RHBDF1: variants seen among roughly 807,000 people sequenced by gnomAD.
The protein encoded by RHBDF1 is inactive rhomboid protein 1.
RHBDF1 carries 80 observed loss-of-function variants against 98.6 expected under a neutral mutation model. That is an observed-to-expected ratio of 0.81 (90% CI 0.68 to 0.98). The LOEUF (loss-of-function observed/expected upper bound fraction) is 0.98, where lower values mean the gene tolerates loss of function less well. Among genes scored for constraint, RHBDF1 ranks in the 50% least tolerant of loss-of-function variants. The probability of loss-of-function intolerance (pLI) is 0.00; values close to 1 mark genes in which losing one functional copy is unlikely to be tolerated. For synonymous variants in RHBDF1, 512 were observed against 486.8 expected (o/e 1.05, Z -0.68); for missense variants, 1,116 against 1,198.3 (o/e 0.93, Z 1.01).
Position 62,765 on chromosome 16 carries a change from C to T in RHBDF1, c.795+10G>A. 6.2e-7 allele frequency: 1 copy of T among 1,614,022 alleles called. No individual in the cohort carries two copies. On this transcript the variant is annotated intron_variant, in intron 6 of 17. Transcript: ENST00000262316. ...ACGTGGGGTGGGGGGACACCCCGGG[C>T]ACTTCTTACCCGGGCAAAGAAGGAT...
Position 61,668 on chromosome 16 carries a change from C to A in RHBDF1, c.1237G>T (p.Val413Leu). The A allele has an allele frequency of 6.2e-7, 1 of 1,613,450 alleles. No individual in the cohort carries two copies. Among genetic ancestry groups the A allele is most frequent in the Non-Finnish European group, 8.5e-7 (1 of 1,179,916 alleles). ...RPFFTYWLTF[V>L]HSLVTILAVC... ...GCTAGGATGGTGACGAGCGAGTGCA[C>A]GAAGGTAAGCCAGTAGGTGAAGAAG... Residue 413 changes from valine to leucine, a missense_variant, in exon 9 of 18, where the codon GTG becomes TTG. Transcript: ENST00000262316.
At chr16:74,488 A>AC (rs1898049242), upstream of RHBDF1, among the ~76,000 whole-genome samples, 1 of 150,128 alleles carries the variant, frequency 6.7e-6, no homozygotes, top group Non-Finnish European at 1.5e-5. Context: ...CAGAGCTGAA[A>AC]CCCCCCGCAC....
chr16:75,318 C>G (rs1239822510), upstream of RHBDF1, among the ~76,000 whole-genome samples: 2 of 152,158 alleles, frequency 1.3e-5, no homozygotes. Flanking sequence ...GGAGCCCTGA[C>G]CAGTAAGAGG....
intron 3 of RHBDF1, chr16:64,459 C>A: frequency 6.7e-7 from 1 of 1,495,804 alleles, no homozygotes; most frequent in Non-Finnish European, 9.0e-7. Flanking sequence ...CAAGAGCATC[C>A]GGGCGGTGGA....
At position 59,466 on chromosome 16, in the gene RHBDF1, C is replaced by A; in HGVS notation, c.1846G>T (p.Asp616Tyr). 6.2e-7 allele frequency: 1 copy of A among 1,613,696 alleles called. No homozygotes were observed. ...RCEITSREYCDFMRGYFHEEA... is the reference protein window; with the variant it reads ...RCEITSREYCYFMRGYFHEEA... ...TCATGGAAGTAGCCCCTCATGAAGT[C>A]ACAGTACTCCCGGGAGGTGATCTCA... Residue 616 changes from aspartate to tyrosine, a missense_variant, in exon 15 of 18, where the codon GAC (aspartate) becomes TAC (tyrosine). Asp to Tyr is a radical substitution (Grantham distance 160, BLOSUM62 -3). Coordinates refer to ENST00000262316, the MANE Select transcript of RHBDF1 (RefSeq NM_022450.5).
At chr16:75,266 A>G (rs748220263), upstream of RHBDF1, among the ~76,000 whole-genome samples, 1 of 152,152 alleles carries the variant, frequency 6.6e-6, no homozygotes, top group African/African-American at 2.4e-5. Flanking sequence ...GTCTAGACCA[A>G]ACCCAGGGTT....
At chr16:72,848 A>G (rs926054942), upstream of RHBDF1, among the ~76,000 whole-genome samples, 3 of 152,130 alleles carry the variant, frequency 2.0e-5, no homozygotes, top group African/African-American at 7.2e-5. Context: ...GTGGGAGCGG[A>G]CCGCAGTGTC....
At position 63,808 on chromosome 16, in the gene RHBDF1, G is replaced by A. The variant is rs2141855451; in HGVS notation, c.249-8C>T. The A allele has an allele frequency of 3.7e-6, 6 of 1,611,918 alleles. No individual in the cohort carries two copies. Among genetic ancestry groups the A allele is most frequent in the South Asian group, 1.1e-5 (1 of 90,912 alleles). On this transcript the variant is annotated splice_region_variant and splice_polypyrimidine_tract_variant and intron_variant, in intron 3 of 17. Transcript: ENST00000262316. ...AACCAGTCGGCGGTCCCCCTGGCAT[G>A]GCAGGGACTCAGCAAGGGGCGGCCA...
chr16:62,412 G>C, intron 7 of RHBDF1, 126 bp downstream of exon 7: 1 of 1,289,888 alleles, frequency 7.8e-7, no homozygotes, highest in East Asian at 2.3e-5. Context: ...CCAGTGAGTA[G>C]TGAGTTCCCA....
At position 61,404 on chromosome 16, in the gene RHBDF1, A is replaced by T; in HGVS notation, c.1376T>A (p.Phe459Tyr). The T allele has an allele frequency of 6.2e-7, 1 of 1,611,690 alleles. No individual in the cohort carries two copies. Among genetic ancestry groups the T allele is most frequent in the Non-Finnish European group, 8.5e-7 (1 of 1,179,556 alleles). ...ENVKYVQQEN[F>Y]WIGPSSEALI... is the part of the protein sequence containing the mutation. The stretch of plus-strand genomic sequence containing the variant: ...CCTCACCGAGCTGGGCCCGATCCAG[A>T]AGTTCTCCTGCTGCACGTACTTGAC... Residue 459 changes from phenylalanine (F) to tyrosine (Y), a missense_variant, in exon 10 of 18, where the codon TTC becomes TAC. Phe to Tyr is a conservative substitution (Grantham distance 22). Coordinates refer to ENST00000262316, the MANE Select transcript of RHBDF1 (RefSeq NM_022450.5).
chr16:63,512 G>T (rs545583467), intron 4 of RHBDF1, 75 bp downstream of exon 4: 2 of 1,279,578 alleles, frequency 1.6e-6, no homozygotes, highest in Non-Finnish European at 2.1e-6. Flanking sequence ...TTCTGCTCAG[G>T]CTGGCTGTGT....
Position 63,083 on chromosome 16 carries a change from A to C in RHBDF1, c.562T>G (p.Ser188Ala). 6.2e-7 allele frequency: 1 copy of C among 1,612,200 alleles called. No individual in the cohort carries two copies. The highest frequency in any genetic ancestry group is 8.5e-7 in the Non-Finnish European group (1 of 1,179,524). Residue 188 changes from serine to alanine, a missense_variant, in exon 5 of 18, where the codon TCC becomes GCC. Physicochemically the swap from Ser to Ala is moderately conservative, Grantham distance 99. Transcript: ENST00000262316. ...PHTPVTPGAA[S>A]LCSFSSSRSG... ...CGGGAGCTGGAGAAGGAGCAGAGGG[A>C]GGCAGCACCCGGCGTGACGGGAGTG...
Position 59,291 on chromosome 16 carries a change from T to TCA in RHBDF1, c.1950_1951dup (p.Asp651ValfsTer28). 6.2e-7 allele frequency: 1 copy of TCA among 1,611,222 alleles called. No homozygotes were observed. ...GGATAGCCACAGGCGGTAGAACTGG[T>TCA]CAGGCACCTCGGGGTTGAGAAAAGG... On this transcript the variant is annotated frameshift_variant, in exon 16 of 18. Transcript: ENST00000262316. LOFTEE classifies it high-confidence loss of function.
chr16:62,298 T>C lies in RHBDF1; in HGVS notation c.953+240A>G, dbSNP rs555409574. On this transcript the variant is annotated intron_variant, in intron 7 of 17. Transcript: ENST00000262316. The stretch of plus-strand genomic sequence containing the variant: ...CACCTCTGTCACCTCCGCCTCCCCG[T>C]TGGATTCTGCCCAGCCCCTGGGTTC... The C allele has an allele frequency of 1.3e-4, 94 of 719,230 alleles. 1 individual carries two copies. In the Admixed American group the frequency reaches 2.5e-3, roughly 19 times the overall value. The allele number at this position is 719,230 out of a possible 1,614,324, so 44.6% of individuals were successfully genotyped here.
Position 63,806 on chromosome 16 carries a change from A to G in RHBDF1, c.249-6T>C, listed in dbSNP as rs370469034. 5 of 1,612,216 alleles carry G rather than the reference A, an allele frequency of 3.1e-6. No individual in the cohort carries two copies. The African/African-American group carries it at 4.0e-5, about 13-fold the overall frequency. On this transcript the variant is annotated splice_region_variant and splice_polypyrimidine_tract_variant and intron_variant, in intron 3 of 17. Transcript: ENST00000262316. ...CAAACCAGTCGGCGGTCCCCCTGGCATGGCAGGGACTCAGCAAGGGGCGGC... is the reference window on the plus strand; with the variant it reads ...CAAACCAGTCGGCGGTCCCCCTGGCGTGGCAGGGACTCAGCAAGGGGCGGC...
At position 72,577 on chromosome 16, in the gene RHBDF1, GGAGGGCCCGCGCC is replaced by G; in HGVS notation, c.-102_-90del. On this transcript the variant is annotated 5_prime_UTR_variant, in exon 1 of 18. Coordinates refer to ENST00000262316, the MANE Select transcript of RHBDF1 (RefSeq NM_022450.5). The stretch of plus-strand genomic sequence containing the variant: ...GGGAGGAGGCTGCCGCCGCTGGCCG[GGAGGGCCCGCGCC>G]GAGTCCCCGCCCGCCCGCCGGTCCG... 1 of 830,844 alleles carries G rather than the reference GGAGGGCCCGCGCC, an allele frequency of 1.2e-6. No individual in the cohort carries two copies. Among genetic ancestry groups the G allele is most frequent in the Non-Finnish European group, 1.3e-6 (1 of 759,644 alleles). 51.5% of individuals were successfully genotyped at this position (830,844 alleles called of 1,614,324 possible).
At chr16:75,132 C>G (rs1032419823), upstream of RHBDF1, among the ~76,000 whole-genome samples, 2 of 152,158 alleles carry the variant, frequency 1.3e-5, no homozygotes. Flanking sequence ...GCCCCCTATA[C>G]GGAAACCCAG....
intron 4 of RHBDF1, 29 bp from the exon 5 acceptor site, chr16:63,211 A>C: frequency 1.3e-6 from 2 of 1,527,720 alleles, no homozygotes; most frequent in Non-Finnish European, 1.8e-6. Flanking sequence ...TGCTGGAGTC[A>C]GGACCATGGG....
rs184493648 is a variant in RHBDF1, at chr16:60,807, T to C, written c.1558-268A>G. 33 of 564,202 alleles carry C rather than the reference T, an allele frequency of 5.8e-5. No homozygotes were observed. In the Admixed American group the frequency reaches 7.7e-4, roughly 13 times the overall value. The allele number at this position is 564,202 out of a possible 1,614,324, so 34.9% of individuals were successfully genotyped here. On this transcript the variant is annotated intron_variant, in intron 11 of 17. Transcript: ENST00000262316. The stretch of plus-strand genomic sequence containing the variant: ...GGCACTTCCACATAAGATGATGTGA[T>C]GAAAGTTGGGATGAATTTTTTTAAA...
Sources: allele counts gnomAD v4.1 joint callset (sites outside exome capture counted in the v4.1 genomes callset), GRCh38; gene constraint gnomAD v4.1.1; transcripts MANE v1.5; gene names NCBI Gene and HGNC (gene_info 2026-07-23, HGNC 2026-07-21).